BAZ1B: variants seen among roughly 807,000 people sequenced by gnomAD.
The protein encoded by BAZ1B is bromodomain adjacent to zinc finger domain 1B.
Under a neutral mutation model 153.8 loss-of-function variants are expected in BAZ1B, and 22 were observed. That is an observed-to-expected ratio of 0.14 (90% CI 0.10 to 0.20). The LOEUF (loss-of-function observed/expected upper bound fraction) is 0.20, where lower values mean the gene tolerates loss of function less well. Among genes scored for constraint, BAZ1B ranks in the 10% least tolerant of loss-of-function variants. The pLI is 1.00. For missense variants in BAZ1B, 1,325 were observed against 1,799.3 expected (o/e 0.74, Z 4.77); for synonymous variants, 676 against 633.4 (o/e 1.07, Z -1.01).
chr7:73,521,469 TC>T (rs1791038130), intron 1 of BAZ1B, among the ~76,000 whole-genome samples: 1 of 151,940 alleles, frequency 6.6e-6, no homozygotes, highest in African/African-American at 2.4e-5. Context: ...AAAACCTAGC[TC>T]CCCCTCCCCA....
rs182076576 is a variant in BAZ1B at position 73,462,208 on chromosome 7, G to A, written c.3249+714C>T. ...GCAATGACTGTGCCACTGTACTTCA[G>A]CCTGGGTAACAGAGGGGACTTCATT... On this transcript the variant is annotated intron_variant, in intron 12 of 19. Coordinates refer to ENST00000339594, the MANE Select transcript of BAZ1B (RefSeq NM_032408.4). 8.7e-4 allele frequency among the ~76,000 whole-genome samples: 133 copies of A among 152,262 alleles called. 1 individual carries two copies. The highest frequency in any genetic ancestry group is 1.7e-3 in the Non-Finnish European group (113 of 68,012).
At chr7:73,443,674 A>G (rs1554565618) in intron 17 of BAZ1B, among the ~76,000 whole-genome samples, 2 of 152,184 alleles carry the variant, frequency 1.3e-5, no homozygotes, top group Non-Finnish European at 2.9e-5. Context: ...CATTCCCACA[A>G]TGAAGACCCA....
chr7:73,483,824 G>T (rs1366299904), intron 6 of BAZ1B, among the ~76,000 whole-genome samples: 4 of 152,032 alleles, frequency 2.6e-5, no homozygotes, highest in African/African-American at 9.7e-5. Flanking sequence ...TGTGTATGTA[G>T]AAACAGGGTC....
rs370466076 is a variant in BAZ1B at position 73,449,600 on chromosome 7, C to T, written c.3670G>A (p.Gly1224Ser). The T allele has an allele frequency of 8.1e-6, 13 of 1,614,026 alleles. No individual in the cohort carries two copies. The African/African-American group carries it at 1.6e-4, about 20-fold the overall frequency. The change falls in exon 15 of 20, where the codon GGT becomes AGT. Residue 1224 changes from glycine to serine, a missense_variant. Transcript: ENST00000339594. ...LRPALYEVPD[G>S]EWQCPACQPA... ...TGGCAAGCTGGGCACTGCCACTCAC[C>T]ATCTGGTACTTCATAGAGGGCCGGC... is the stretch of plus-strand genomic sequence containing the variant.
At chr7:73,485,902 G>A (rs1245927647) in intron 6 of BAZ1B, among the ~76,000 whole-genome samples, 3 of 152,000 alleles carry the variant, frequency 2.0e-5, no homozygotes, top group Non-Finnish European at 4.4e-5. Context: ...ACATGATGGA[G>A]ACTAACAAAA....
intron 6 of BAZ1B, among the ~76,000 whole-genome samples, chr7:73,482,145 T>C (rs1245659454): frequency 6.6e-6 from 1 of 152,226 alleles, no homozygotes; most frequent in Non-Finnish European, 1.5e-5. Context: ...CTTTACAACA[T>C]ATAAACCCTA....
chr7:73,451,006 C>T lies in BAZ1B; in HGVS notation c.3433-12G>A, dbSNP rs782726863. The T allele has an allele frequency of 2.5e-6, 4 of 1,613,550 alleles. No homozygotes were observed. The South Asian group carries it at 3.3e-5, about 13-fold the overall frequency. ...AGTGCAGATGCAACCTAAACAGAGA[C>T]CAAACCAGGCCAGCATTACTACACT... is the stretch of plus-strand genomic sequence containing the variant. On this transcript the variant is annotated splice_polypyrimidine_tract_variant and intron_variant, in intron 13 of 19. Transcript: ENST00000339594.
At chr7:73,442,139 CTCCCACCCTCCCTAGCTG>C in intron 19 of BAZ1B, 24 bp downstream of exon 19, 1 of 598,502 alleles carries the variant, frequency 1.7e-6, no homozygotes, top group East Asian at 2.9e-5. Flanking sequence ...GCTCGCCTCC[CTCCCACCCTCCCTAGCTG>C]TCCCCCCACC....
intron 15 of BAZ1B, among the ~76,000 whole-genome samples, chr7:73,448,509 T>G (rs1375530855): frequency 6.6e-6 from 1 of 152,224 alleles, no homozygotes; most frequent in East Asian, 1.9e-4. Flanking sequence ...GAGACAGACA[T>G]GTATAAAACC....
At chr7:73,465,181 T>C (rs550204456) in intron 11 of BAZ1B, among the ~76,000 whole-genome samples, 17 of 152,150 alleles carry the variant, frequency 1.1e-4, no homozygotes, top group Non-Finnish European at 1.6e-4. Flanking sequence ...CTGACAACCA[T>C]GAGGCTCACA....
rs201595444 is a variant in BAZ1B at position 73,470,383 on chromosome 7, C to T, written c.2694G>A (p.Met898Ile). 2 of 1,614,122 alleles carry T rather than the reference C, an allele frequency of 1.2e-6. No homozygotes were observed. The highest frequency in any genetic ancestry group is 1.7e-6 in the Non-Finnish European group (2 of 1,180,018). ...GATCTGTGCCAATAGGAGTCCTGCG[C>T]ATGACTAGTTTGGCCTTGGCAATCC... ...QEGIAKAKLVMRRTPIGTDRN... is the reference protein window; with the variant it reads ...QEGIAKAKLVIRRTPIGTDRN... Residue 898 changes from methionine (M) to isoleucine (I), a missense_variant, in exon 8 of 20, where the codon ATG becomes ATA. Around this residue, in one of 9 missense-constraint regions of BAZ1B, gnomAD observed 431 missense variants for 563.5 expected, o/e 0.76. Transcript: ENST00000339594.
At chr7:73,444,874 C>T (rs1254652855) in intron 16 of BAZ1B, among the ~76,000 whole-genome samples, 6 of 152,068 alleles carry the variant, frequency 3.9e-5, no homozygotes, top group Non-Finnish European at 5.9e-5. Flanking sequence ...ATTAGCAGGG[C>T]GTGGTGGCAC....
chr7:73,465,223 A>G (rs1368662417), intron 11 of BAZ1B, among the ~76,000 whole-genome samples: 1 of 152,168 alleles, frequency 6.6e-6, no homozygotes, highest in Non-Finnish European at 1.5e-5. Flanking sequence ...TTTAGTGCAT[A>G]ATAATCCTGC....
intron 11 of BAZ1B, chr7:73,464,041 G>A (rs1338062272): frequency 1.3e-5 from 11 of 829,112 alleles, no homozygotes; most frequent in African/African-American, 1.3e-4. Context: ...AGACACATCT[G>A]TATTCAGACA....
intron 3 of BAZ1B, among the ~76,000 whole-genome samples, chr7:73,501,604 A>G (rs1790135863): frequency 6.6e-6 from 1 of 152,130 alleles, no homozygotes; most frequent in Non-Finnish European, 1.5e-5. Flanking sequence ...CACTAGAATC[A>G]TCTGTCCTAA....
At chr7:73,463,241 T>TTC in intron 11 of BAZ1B, 142 bp from the exon 12 acceptor site, 1 of 238,278 alleles carries the variant, frequency 4.2e-6, no homozygotes, top group East Asian at 9.3e-5. Flanking sequence ...TCTTTTTTCT[T>TTC]TTTTTTTTTT....
At chr7:73,507,947 G>A (rs547944817) in intron 3 of BAZ1B, among the ~76,000 whole-genome samples, 1 of 152,190 alleles carries the variant, frequency 6.6e-6, no homozygotes, top group Admixed American at 6.6e-5. Context: ...CTGAAGTCAG[G>A]AGTTTGAGAC....
intron 6 of BAZ1B, 53 bp downstream of exon 6, chr7:73,489,140 TC>T: frequency 6.5e-7 from 1 of 1,530,162 alleles, no homozygotes. Flanking sequence ...ACTGGAGCCA[TC>T]AGAGAAATAA....
At chr7:73,493,353 G>A (rs534450291) in intron 4 of BAZ1B, among the ~76,000 whole-genome samples, 2 of 152,006 alleles carry the variant, frequency 1.3e-5, no homozygotes, top group African/African-American at 4.8e-5. Flanking sequence ...CCAGCTACTC[G>A]GGAGGCTGAG....
Sources: allele counts gnomAD v4.1 joint callset (sites outside exome capture counted in the v4.1 genomes callset), GRCh38; gene constraint gnomAD v4.1.1; regional missense constraint gnomAD v4.1.1; transcripts MANE v1.5; gene names NCBI Gene and HGNC (gene_info 2026-07-23, HGNC 2026-07-21).